The following GPC5 variants were observed in gnomAD, a reference collection of about 807,000 sequenced individuals.
GPC5 encodes glypican-5.
GPC5 carries 47 observed loss-of-function variants against 53.9 expected under a neutral mutation model. The ratio of observed to expected loss-of-function variants is 0.87; its 90% CI spans 0.69 to 1.11. The LOEUF is 1.11. Among genes scored for constraint, GPC5 ranks in the 50% most tolerant of loss-of-function variants. The pLI is 0.00. For synonymous variants in GPC5, 286 were observed against 263.3 expected (o/e 1.09, Z -0.84); for missense variants, 748 against 713.1 (o/e 1.05, Z -0.56).
At chr13:92,632,599 G>A (rs1273067521) in intron 7 of GPC5, among the ~76,000 whole-genome samples, 1 of 151,524 alleles carries the variant, frequency 6.6e-6, no homozygotes. Flanking sequence ...AAGAAAATAT[G>A]TAATTACTAG....
At chr13:92,713,856 G>GACTT (rs763593537) in intron 7 of GPC5, among the ~76,000 whole-genome samples, 10 of 152,094 alleles carry the variant, frequency 6.6e-5, no homozygotes, top group Non-Finnish European at 1.5e-4. Flanking sequence ...TTGCTGTTGG[G>GACTT]ACTTACAAAA....
chr13:91,974,403 T>A (rs2040276896), intron 6 of GPC5, among the ~76,000 whole-genome samples: 1 of 152,116 alleles, frequency 6.6e-6, no homozygotes, highest in African/African-American at 2.4e-5. Flanking sequence ...CTTAAGCTGA[T>A]AAGCAACTTC....
At chr13:92,280,628 C>G (rs80161745) in intron 7 of GPC5, among the ~76,000 whole-genome samples, 3,068 of 152,240 alleles carry the variant, frequency 0.02, 109 homozygotes, top group African/African-American at 0.07. Context: ...GAATTCCTAA[C>G]TTCCAGTACC....
chr13:91,838,728 C>T (rs1337298906), intron 5 of GPC5, among the ~76,000 whole-genome samples: 2 of 152,066 alleles, frequency 1.3e-5, no homozygotes, highest in South Asian at 2.1e-4. Flanking sequence ...GAGGCACTGT[C>T]GTCGCTATGC....
rs984048600 is a variant in GPC5 at position 91,497,904 on chromosome 13, G to T, written c.325+48982G>T. Among the ~76,000 whole-genome samples, 3 of 151,880 alleles carry T rather than the reference G, an allele frequency of 2.0e-5. No homozygotes were observed. In the East Asian group the frequency reaches 5.8e-4, roughly 29 times the overall value. The stretch of plus-strand genomic sequence containing the variant: ...GTGATAATCATATCATGGAAAGTGG[G>T]GTATCCATCACCTCAAGAATGTATC... On this transcript the variant is annotated intron_variant, in intron 2 of 7. Coordinates refer to ENST00000377067, the MANE Select transcript of GPC5 (RefSeq NM_004466.6).
intron 7 of GPC5, among the ~76,000 whole-genome samples, chr13:92,588,597 T>C (rs929437998): frequency 3.3e-5 from 5 of 152,200 alleles, no homozygotes; most frequent in Non-Finnish European, 5.9e-5. Context: ...AATAACACTG[T>C]TAGTCTCTTT....
At position 91,398,680 on chromosome 13, in the gene GPC5, T is replaced by C. The variant is rs886848886; in HGVS notation, c.-367T>C. On this transcript the variant is annotated 5_prime_UTR_variant, in exon 1 of 8. Transcript: ENST00000377067. ...GCGGAGGCGGCGGCGGCGGCGGCAG[T>C]GGCGGCAGTGGCGGCAGTGGCGGCA... 811 of 22,970 alleles carry C rather than the reference T, an allele frequency of 0.035. 12 individuals carry two copies. Among genetic ancestry groups the C allele is most frequent in the African/African-American group, 0.095 (771 of 8,132 alleles). The allele number at this position is 22,970 out of a possible 1,614,324, so 1.4% of individuals were successfully genotyped here.
chr13:91,964,127 T>C (rs2040155565), intron 6 of GPC5, among the ~76,000 whole-genome samples: 1 of 152,218 alleles, frequency 6.6e-6, no homozygotes, highest in East Asian at 1.9e-4. Context: ...CCAGAGTTTC[T>C]TCCTTCTGGT....
At chr13:91,649,687 G>A (rs1321258139) in intron 2 of GPC5, among the ~76,000 whole-genome samples, 1 of 152,114 alleles carries the variant, frequency 6.6e-6, no homozygotes, top group Non-Finnish European at 1.5e-5. Context: ...AGTCCCAGGG[G>A]CCTTTTGTTT....
chr13:92,310,357 G>T (rs2043137458), intron 7 of GPC5, among the ~76,000 whole-genome samples: 1 of 152,050 alleles, frequency 6.6e-6, no homozygotes, highest in African/African-American at 2.4e-5. Flanking sequence ...AAGCAAAATT[G>T]CTGAATGCTT....
chr13:92,127,226 G>A, intron 6 of GPC5, among the ~76,000 whole-genome samples: 1 of 151,786 alleles, frequency 6.6e-6, no homozygotes. Flanking sequence ...AAGGAAGCTA[G>A]TTTGAACCAA....
At chr13:92,527,600 G>C (rs983997379) in intron 7 of GPC5, among the ~76,000 whole-genome samples, 3 of 151,818 alleles carry the variant, frequency 2.0e-5, no homozygotes, top group Non-Finnish European at 4.4e-5. Context: ...GGAAGAAGGA[G>C]GTGGAGATGG....
intron 7 of GPC5, among the ~76,000 whole-genome samples, chr13:92,214,340 C>T: frequency 6.6e-6 from 1 of 152,126 alleles, no homozygotes; most frequent in South Asian, 2.1e-4. Context: ...CTATAGAAGA[C>T]CAGTGGCACT....
intron 7 of GPC5, among the ~76,000 whole-genome samples, chr13:92,740,887 T>C (rs1889064498): frequency 2.2e-5 from 1 of 45,108 alleles, no homozygotes; most frequent in Admixed American, 2.9e-4. Context: ...TGTATGTATA[T>C]TTATTTATTT....
At chr13:92,679,878 T>G in intron 7 of GPC5, among the ~76,000 whole-genome samples, 1 of 150,270 alleles carries the variant, frequency 6.7e-6, no homozygotes, top group Non-Finnish European at 1.5e-5. Context: ...TTTTCCTCTC[T>G]CCACCCCCCC....
intron 7 of GPC5, among the ~76,000 whole-genome samples, chr13:92,747,147 A>G (rs1889260111): frequency 6.6e-6 from 1 of 152,174 alleles, no homozygotes; most frequent in Admixed American, 6.5e-5. Flanking sequence ...GTGCATGACC[A>G]TACATGAATT....
At chr13:91,839,933 A>G (rs1436326236) in intron 5 of GPC5, among the ~76,000 whole-genome samples, 4 of 152,110 alleles carry the variant, frequency 2.6e-5, no homozygotes, top group African/African-American at 9.7e-5. Context: ...ATGGTCTGGA[A>G]CTTGCTTTTT....
chr13:91,437,640 G>T (rs1249320510), intron 1 of GPC5, among the ~76,000 whole-genome samples: 1 of 152,110 alleles, frequency 6.6e-6, no homozygotes, highest in African/African-American at 2.4e-5. Flanking sequence ...ATGTGTCTTG[G>T]AGTTGCTCTT....
intron 7 of GPC5, among the ~76,000 whole-genome samples, chr13:92,624,061 C>G (rs1339162507): frequency 1.4e-5 from 2 of 145,756 alleles, no homozygotes; most frequent in Non-Finnish European, 3.0e-5. Context: ...GGCGTTTCCC[C>G]ACGTTGGCCA....
Sources: gnomAD v4.1 joint callset for allele counts (sites outside exome capture counted in the v4.1 genomes callset) on GRCh38, gnomAD v4.1.1 for gene constraint, MANE v1.5 for transcripts, NCBI Gene and HGNC (gene_info 2026-07-23, HGNC 2026-07-21) for gene names.